Variants in ZNF883 observed in about 807,000 individuals in gnomAD.
The protein encoded by ZNF883 is zinc finger protein 883.
chr9:112,997,466 T>C (rs767808373), exon 1 of ZNF883: 14 of 1,614,018 alleles, frequency 8.7e-6, no homozygotes, highest in Non-Finnish European at 1.1e-5. Context: ...TTTACAAACA[T>C]AGGGCTTCTC....
intron 1 of ZNF883, among the ~76,000 whole-genome samples, chr9:112,988,451 T>A (rs140910164): frequency 1.3e-5 from 2 of 152,302 alleles, no homozygotes; most frequent in South Asian, 2.1e-4. Flanking sequence ...TCCAGCTCCA[T>A]CCACAGCCCT....
chr9:112,999,365 C>T (rs1470940628), upstream of ZNF883, among the ~76,000 whole-genome samples: 1 of 152,196 alleles, frequency 6.6e-6, no homozygotes, highest in Non-Finnish European at 1.5e-5. Flanking sequence ...TAACACACTT[C>T]TGTGTGCAAA....
intron 2 of ZNF883, among the ~76,000 whole-genome samples, chr9:113,006,338 T>G (rs1340825472): frequency 6.6e-6 from 1 of 152,192 alleles, no homozygotes; most frequent in East Asian, 1.9e-4. Flanking sequence ...AATCGACCCC[T>G]TGTTTAGCAT....
At chr9:113,007,234 A>T (rs575325693) in intron 2 of ZNF883, among the ~76,000 whole-genome samples, 1 of 152,340 alleles carries the variant, frequency 6.6e-6, no homozygotes, top group African/African-American at 2.4e-5. Context: ...GGTACCCCTG[A>T]CGGGGTAGAT....
At chr9:113,000,184 A>G (rs1828409647), upstream of ZNF883, among the ~76,000 whole-genome samples, 1 of 152,250 alleles carries the variant, frequency 6.6e-6, no homozygotes. Flanking sequence ...GACAAAGTAC[A>G]TAATAAAATC....
At chr9:112,993,647 G>A (rs546644217), downstream of ZNF883, among the ~76,000 whole-genome samples, 1 of 152,298 alleles carries the variant, frequency 6.6e-6, no homozygotes, top group South Asian at 2.1e-4. Context: ...AGCCAGCAGG[G>A]GGAAAAGACT....
chr9:113,005,070 TTAAACA>T lies in ZNF883; in HGVS notation n.166-3003_166-2998del, dbSNP rs573339527. On this transcript the variant is annotated intron_variant and non_coding_transcript_variant, in intron 2 of 4. Coordinates refer to the ZNF883 transcript ENST00000638622. ...AAATAATTATAGGTGAATTAAAAACTTAAACATAAAACTAGAACTATAAAAGAGCCA... is the reference window on the plus strand; with the variant it reads ...AAATAATTATAGGTGAATTAAAAACTTAAAACTAGAACTATAAAAGAGCCA... Among the ~76,000 whole-genome samples the T allele has an allele frequency of 7.6e-3, 1,158 of 152,114 alleles. 2 individuals carry two copies. The highest frequency in any genetic ancestry group is 0.011 in the Non-Finnish European group (756 of 67,994).
chr9:112,989,314 G>A (rs1279504436), intron 1 of ZNF883, among the ~76,000 whole-genome samples: 3 of 151,862 alleles, frequency 2.0e-5, no homozygotes, highest in African/African-American at 7.3e-5. Flanking sequence ...GTGTAGGGAA[G>A]GGGTCCAGTT....
At chr9:112,991,349 G>C (rs1352290509) in intron 1 of ZNF883, among the ~76,000 whole-genome samples, 2 of 152,150 alleles carry the variant, frequency 1.3e-5, no homozygotes, top group Non-Finnish European at 2.9e-5. Context: ...TTACTCAGGA[G>C]TCATTCAGGA....
At position 113,004,263 on chromosome 9, in the gene ZNF883, T is replaced by C. The variant is rs1778318522; in HGVS notation, n.166-2190A>G. Reference sequence around the variant, plus strand: ...GGATGACCTTGCTGACAGCTTGATTTTGGAATTCTAGCCTCAGAACTGTGA... The same window carrying C: ...GGATGACCTTGCTGACAGCTTGATTCTGGAATTCTAGCCTCAGAACTGTGA... On this transcript the variant is annotated intron_variant and non_coding_transcript_variant, in intron 2 of 4. Coordinates refer to the ZNF883 transcript ENST00000638622. Among the ~76,000 whole-genome samples the C allele has an allele frequency of 1.3e-5, 2 of 152,220 alleles. 1 individual carries two copies. The highest frequency in any genetic ancestry group is 4.1e-4 in the South Asian group (2 of 4,832).
chr9:112,997,363 CTGACATTCATTACAT>C, exon 1 of ZNF883: 1 of 1,613,940 alleles, frequency 6.2e-7, no homozygotes, highest in South Asian at 1.1e-5. Flanking sequence ...AAAACAGTTT[CTGACATTCATTACAT>C]TGATAGGGTT....
At chr9:113,005,144 G>T (rs1167618512) in intron 2 of ZNF883, among the ~76,000 whole-genome samples, 1 of 151,860 alleles carries the variant, frequency 6.6e-6, no homozygotes, top group Non-Finnish European at 1.5e-5. Context: ...TTGCAATGGG[G>T]AAATCCTTAA....
exon 1 of ZNF883, chr9:112,997,474 C>T (rs775215578): frequency 1.9e-6 from 3 of 1,614,018 alleles, no homozygotes; most frequent in African/African-American, 2.7e-5. Flanking sequence ...CATAGGGCTT[C>T]TCTCCAGTAT....
downstream of ZNF883, among the ~76,000 whole-genome samples, chr9:112,995,387 C>T (rs547649564): frequency 2.0e-5 from 3 of 152,230 alleles, no homozygotes; most frequent in East Asian, 3.9e-4. Flanking sequence ...TTGCTGACTG[C>T]AGATCTTGGG....
downstream of ZNF883, among the ~76,000 whole-genome samples, chr9:112,993,613 G>A (rs937602697): frequency 5.3e-5 from 8 of 152,212 alleles, no homozygotes; most frequent in African/African-American, 1.4e-4. Flanking sequence ...AATCCCACTC[G>A]TCCAGACTGC....
chr9:112,994,717 C>A (rs183386353), downstream of ZNF883, among the ~76,000 whole-genome samples: 3,633 of 150,850 alleles, frequency 0.024, 76 homozygotes, highest in East Asian at 0.12. Context: ...AATGTCACTT[C>A]TTTCTACTAT....
upstream of ZNF883, among the ~76,000 whole-genome samples, chr9:113,002,383 G>A (rs1352092794): frequency 6.7e-5 from 10 of 148,358 alleles, no homozygotes; most frequent in African/African-American, 2.5e-4. Context: ...AATGTAACAT[G>A]GTATCTTGAA....
At chr9:112,999,776 G>A (rs1445807075), upstream of ZNF883, 1 of 152,174 alleles carries the variant, frequency 6.6e-6, no homozygotes, top group African/African-American at 2.4e-5. Flanking sequence ...ATCATCTCTG[G>A]GCATGCGACA....
At chr9:113,000,697 G>A (rs900206751), upstream of ZNF883, among the ~76,000 whole-genome samples, 5 of 152,048 alleles carry the variant, frequency 3.3e-5, no homozygotes, top group African/African-American at 1.2e-4. Context: ...AAGAAAGAGA[G>A]GCTACCCAGG....
Sources: gnomAD v4.1 joint callset for allele counts (sites outside exome capture counted in the v4.1 genomes callset) on GRCh38, gnomAD v4.1.1 for gene constraint, MANE v1.5 for transcripts, NCBI Gene and HGNC (gene_info 2026-07-23, HGNC 2026-07-21) for gene names.